COL6A2: variants seen among roughly 807,000 people sequenced by gnomAD.
COL6A2 encodes collagen alpha-2(VI) chain.
COL6A2 carries 90 observed loss-of-function variants against 124.9 expected under a neutral mutation model. The observed-to-expected ratio is 0.72, with a 90% confidence interval of 0.61 to 0.86. The LOEUF (loss-of-function observed/expected upper bound fraction) is 0.86, where lower values mean the gene tolerates loss of function less well. COL6A2 is among the 40% of genes least tolerant of loss of function. COL6A2 has a pLI of 0.00. For synonymous variants in COL6A2, 793 were observed against 618.2 expected (o/e 1.28, Z -4.19); for missense variants, 1,607 against 1,502.5 (o/e 1.07, Z -1.15).
intron 16 of COL6A2, 140 bp downstream of exon 16, chr21:46,120,717 C>A: frequency 1.2e-6 from 1 of 829,566 alleles, no homozygotes; most frequent in Non-Finnish European, 1.9e-6. Flanking sequence ...GTAAGGGGGG[C>A]CCAGGTGAGG....
At chr21:46,127,512 C>G (rs117836930) in intron 27 of COL6A2, among the ~76,000 whole-genome samples, 1 of 152,106 alleles carries the variant, frequency 6.6e-6, no homozygotes, top group Non-Finnish European at 1.5e-5. Context: ...GGCGGGCAGC[C>G]TCTGGCCCCA....
intron 21 of COL6A2, 26 bp from the exon 22 acceptor site, chr21:46,124,625 G>T (rs1357470683): frequency 6.2e-7 from 1 of 1,612,062 alleles, no homozygotes; most frequent in East Asian, 2.2e-5. Flanking sequence ...GGCCACTGAA[G>T]CCCACCTGTT....
At chr21:46,118,755 C>T (rs1779742022) in intron 13 of COL6A2, 79 bp downstream of exon 13, 4 of 1,484,116 alleles carry the variant, frequency 2.7e-6, no homozygotes, top group Admixed American at 1.9e-5. Flanking sequence ...TCACGCTGGC[C>T]ACCATCTCTG....
In COL6A2 at chr21:46,124,913, G is replaced by T. The variant is rs548033066; in HGVS notation, c.1763G>T (p.Gly588Val). ...GAGCCCGGCCCCCCTGGAGACCCCG[G>T]TCTCACGGTAGGTGTCACATGGGGC... ...EGEPGPPGDP[G>V]LTECDVMTYV... Residue 588 changes from glycine to valine, a missense_variant, in exon 23 of 28, where the codon GGT (glycine) becomes GTT (valine). By Grantham distance (109) the Gly-to-Val change is moderately radical. Transcript: ENST00000300527. 2.5e-6 allele frequency: 4 copies of T among 1,612,910 alleles called. No homozygotes were observed. Among genetic ancestry groups the T allele is most frequent in the Non-Finnish European group, 3.4e-6 (4 of 1,180,002 alleles).
Position 46,129,164 on chromosome 21 carries a change from C to T in COL6A2, c.2461+2623C>T, listed in dbSNP as rs376192654. On this transcript the variant is annotated intron_variant, in intron 27 of 27. Coordinates refer to ENST00000300527, the MANE Select transcript of COL6A2 (RefSeq NM_001849.4). Reference sequence around the variant, plus strand: ...GCTCTAGGCCGACGCCCACCGCAGGCCTTACAGTCTTCTCTGGACGCTCCC... The same window carrying T: ...GCTCTAGGCCGACGCCCACCGCAGGTCTTACAGTCTTCTCTGGACGCTCCC... The T allele has an allele frequency of 6.8e-6, 11 of 1,612,414 alleles. No homozygotes were observed. The East Asian group carries it at 1.1e-4, about 16-fold the overall frequency.
Position 46,125,454 on chromosome 21 carries a change from C to CT in COL6A2, c.1817-11_1817-10insT. ...CCCCGGTACCCCCCGATGACCCTGC[C>CT]ACCCCCCCAGACTGTGAGAAGCGCT... On this transcript the variant is annotated splice_polypyrimidine_tract_variant and intron_variant, in intron 24 of 27. Transcript: ENST00000300527. 1 of 1,608,182 alleles carries CT rather than the reference C, an allele frequency of 6.2e-7. No homozygotes were observed. Among genetic ancestry groups the CT allele is most frequent in the Non-Finnish European group, 8.5e-7 (1 of 1,177,376 alleles).
rs921924658 is a variant in COL6A2 at position 46,112,427 on chromosome 21, C to A, written c.564C>A (p.Phe188Leu). 1.2e-6 allele frequency: 2 copies of A among 1,609,142 alleles called. No individual in the cohort carries two copies. Among genetic ancestry groups the A allele is most frequent in the South Asian group, 2.2e-5 (2 of 91,018 alleles). Residue 188 changes from phenylalanine (F) to leucine (L), a missense_variant, in exon 3 of 28, where the codon TTC (phenylalanine) becomes TTA (leucine). Coordinates refer to ENST00000300527, the MANE Select transcript of COL6A2 (RefSeq NM_001849.4). ...ERAREEGIRLFAVAPNQNLKE... is the reference protein window; with the variant it reads ...ERAREEGIRLLAVAPNQNLKE... Reference sequence around the variant, plus strand: ...CCCGCGAGGAGGGCATCCGGCTCTTCGCCGTGGCCCCCAACCAGAACCTGA... The same window carrying A: ...CCCGCGAGGAGGGCATCCGGCTCTTAGCCGTGGCCCCCAACCAGAACCTGA...
chr21:46,122,062 C>T (rs1049017879), intron 18 of COL6A2, 46 bp from the exon 19 acceptor site: 1 of 1,604,532 alleles, frequency 6.2e-7, no homozygotes, highest in Non-Finnish European at 8.5e-7. Flanking sequence ...CCCCCAGCCC[C>T]ACCCCGTCCT....
chr21:46,117,815 G>T, intron 11 of COL6A2, 59 bp from the exon 12 acceptor site: 2 of 1,550,756 alleles, frequency 1.3e-6, no homozygotes, highest in Non-Finnish European at 1.8e-6. Context: ...TTGGGCCCTG[G>T]CTCATGGGGA....
At chr21:46,109,794 G>A (rs2078375146) in intron 1 of COL6A2, among the ~76,000 whole-genome samples, 2 of 152,222 alleles carry the variant, frequency 1.3e-5, no homozygotes, top group Non-Finnish European at 2.9e-5. Context: ...GCGGGAACAG[G>A]CACCTCCAGG....
intron 1 of COL6A2, among the ~76,000 whole-genome samples, chr21:46,107,594 G>A (rs4819203): frequency 0.65 from 98,826 of 151,938 alleles, 32,377 homozygotes; most frequent in East Asian, 0.8. Context: ...AAAGGTCTCA[G>A]TAGGAAACAC....
Position 46,132,051 on chromosome 21 carries a change from G to T in COL6A2, c.2559G>T (p.Arg853=), listed in dbSNP as rs1248847669. ...RLGEQNFHKA[R]RFVEQVARRL... ...GTGAGCAGAACTTCCACAAGGCCCG[G>T]CGCTTCGTGGAGCAGGTGGCGCGGC... The change falls in exon 28 of 28, where the codon CGG becomes CGT. Residue 853 remains arginine, a synonymous_variant. Coordinates refer to ENST00000300527, the MANE Select transcript of COL6A2 (RefSeq NM_001849.4). 42 of 1,607,476 alleles carry T rather than the reference G, an allele frequency of 2.6e-5. No homozygotes were observed. Among genetic ancestry groups the T allele is most frequent in the Non-Finnish European group, 3.6e-5 (42 of 1,179,008 alleles).
chr21:46,131,093 G>A (rs1040157559), intron 27 of COL6A2, among the ~76,000 whole-genome samples: 3 of 152,202 alleles, frequency 2.0e-5, no homozygotes, highest in Non-Finnish European at 2.9e-5. Flanking sequence ...GACGTCCAGG[G>A]GTTGGGCTGA....
At chr21:46,118,317 T>A (rs1176042871) in intron 12 of COL6A2, among the ~76,000 whole-genome samples, 1 of 152,132 alleles carries the variant, frequency 6.6e-6, no homozygotes, top group Non-Finnish European at 1.5e-5. Flanking sequence ...AGGGCTTTTT[T>A]CTGGGAGCTT....
rs1239469491 is a variant in COL6A2, at chr21:46,112,220, C to T, written c.357C>T (p.Ile119=). 1.2e-6 allele frequency: 2 copies of T among 1,612,926 alleles called. No homozygotes were observed. Among genetic ancestry groups the T allele is most frequent in the South Asian group, 1.1e-5 (1 of 91,076 alleles). ...CGGGCAGCGACCGGGCCTCCTTCAT[C>T]AAGAACCTGCAGGGCATCAGCTCCT... is the stretch of plus-strand genomic sequence containing the variant. ...SPPGSDRASF[I]KNLQGISSFR... The change falls in exon 3 of 28, where the codon ATC becomes ATT. Residue 119 remains isoleucine, a synonymous_variant. Transcript: ENST00000300527.
chr21:46,132,287 CGCGTG>C lies in COL6A2; in HGVS notation c.2799_2803del (p.Gly935ProfsTer56). ...GCCATCAATGCCATCGTGCGCAGCC[CGCGTG>C]GCGGGGCCCGGAGGCACGCAGAGCT... is the stretch of plus-strand genomic sequence containing the variant. On this transcript the variant is annotated frameshift_variant, in exon 28 of 28. Transcript: ENST00000300527. LOFTEE classifies it high-confidence loss of function. 1 of 1,606,806 alleles carries C rather than the reference CGCGTG, an allele frequency of 6.2e-7. No homozygotes were observed. The highest frequency in any genetic ancestry group is 1.1e-5 in the South Asian group (1 of 90,814).
At chr21:46,111,926 T>C in intron 2 of COL6A2, 53 bp from the exon 3 acceptor site, 1 of 1,566,650 alleles carries the variant, frequency 6.4e-7, no homozygotes. Context: ...GAAACGGGGC[T>C]CCAACAGCAG....
At position 46,116,182 on chromosome 21, in the gene COL6A2, T is replaced by A; in HGVS notation, c.900+129T>A. On this transcript the variant is annotated intron_variant, in intron 7 of 27. Coordinates refer to ENST00000300527, the MANE Select transcript of COL6A2 (RefSeq NM_001849.4). The surrounding 1 kb of genome is among the most constrained non-coding windows in gnomAD (Gnocchi z 4.6). Reference sequence around the variant, plus strand: ...CCAGTTACCAAGGAACAGAAGCACCTCGATAACTTGATGGCCGTCCCAAAA... The same window carrying A: ...CCAGTTACCAAGGAACAGAAGCACCACGATAACTTGATGGCCGTCCCAAAA... 4.3e-6 allele frequency: 5 copies of A among 1,174,628 alleles called. No individual in the cohort carries two copies. Among genetic ancestry groups the A allele is most frequent in the Non-Finnish European group, 6.2e-6 (5 of 808,198 alleles). The allele number at this position is 1,174,628 out of a possible 1,614,324, so 72.8% of individuals were successfully genotyped here. A position where few individuals can be genotyped will look rare whatever the true frequency, so the allele number is the denominator to read the frequency against.
intron 1 of COL6A2, 61 bp from the exon 2 acceptor site, chr21:46,111,389 G>A (rs1221553343): frequency 9.4e-6 from 9 of 954,018 alleles, no homozygotes; most frequent in Admixed American, 3.9e-5. Context: ...CGCCTGCCAT[G>A]GGGGAGGGTG....
Sources: gnomAD v4.1 joint callset for allele counts (sites outside exome capture counted in the v4.1 genomes callset) on GRCh38, gnomAD v4.1.1 for gene constraint, Gnocchi (gnomAD v3.1) non-coding constraint, MANE v1.5 for transcripts, NCBI Gene and HGNC (gene_info 2026-07-23, HGNC 2026-07-21) for gene names.